The following KIAA1549L variants were observed in gnomAD, a reference collection of about 807,000 sequenced individuals.
KIAA1549L encodes UPF0606 protein KIAA1549L.
A neutral mutation model predicts 160.7 loss-of-function variants in KIAA1549L; 88 were observed. The observed-to-expected ratio is 0.55, with a 90% CI of 0.46 to 0.65. KIAA1549L has a LOEUF of 0.65. Ranked by LOEUF, KIAA1549L falls within the 30% of genes least tolerant of loss-of-function variation. The probability of loss-of-function intolerance (pLI) is 0.00; values close to 1 mark genes in which losing one functional copy is unlikely to be tolerated. For missense variants in KIAA1549L, 2,258 were observed against 2,437.5 expected, an observed-to-expected ratio of 0.93 and a Z score of 1.55; for synonymous variants, 950 against 976.7, an observed-to-expected ratio of 0.97 and a Z score of 0.51.
At chr11:33,447,994 G>T (rs996803092) in intron 1 of KIAA1549L, among the ~76,000 whole-genome samples, 1 of 152,332 alleles carries the variant, frequency 6.6e-6, no homozygotes, top group South Asian at 2.1e-4. Context: ...GCCATGTAGT[G>T]TGGGAAACCA....
intron 11 of KIAA1549L, among the ~76,000 whole-genome samples, chr11:33,585,221 C>T (rs1855772415): frequency 6.6e-6 from 1 of 152,106 alleles, no homozygotes; most frequent in African/African-American, 2.4e-5. Flanking sequence ...GAAACTCTTC[C>T]AAGAGTGTGC....
intron 8 of KIAA1549L, among the ~76,000 whole-genome samples, chr11:33,564,310 C>T (rs1000638773): frequency 6.6e-6 from 1 of 152,210 alleles, no homozygotes; most frequent in African/African-American, 2.4e-5. Flanking sequence ...GGCTTTCTGT[C>T]TTCTGCTCAT....
intron 1 of KIAA1549L, among the ~76,000 whole-genome samples, chr11:33,423,183 CTTG>C (rs1339098264): frequency 6.6e-6 from 1 of 152,094 alleles, no homozygotes; most frequent in Non-Finnish European, 1.5e-5. Context: ...CTCATACTAA[CTTG>C]TTGTAACATG....
rs552554379 is a variant in KIAA1549L, at chr11:33,445,006, G to A, written c.238+68117G>A. Among the ~76,000 whole-genome samples, 21 of 152,312 alleles carry A rather than the reference G, an allele frequency of 1.4e-4. No individual in the cohort carries two copies. The South Asian group carries it at 3.9e-3, about 29-fold the overall frequency. ...TCTACAGTAAATGGAGGAAGAATGAGTCACTCTTGAGCCTGCCAGGAGTGA... is the reference window on the plus strand; with the variant it reads ...TCTACAGTAAATGGAGGAAGAATGAATCACTCTTGAGCCTGCCAGGAGTGA... On this transcript the variant is annotated intron_variant, in intron 1 of 20. Coordinates refer to ENST00000658780, the MANE Select transcript of KIAA1549L (RefSeq NM_012194.3).
intron 1 of KIAA1549L, among the ~76,000 whole-genome samples, chr11:33,538,508 A>G (rs1023624842): frequency 6.6e-6 from 1 of 152,200 alleles, no homozygotes; most frequent in East Asian, 1.9e-4. Context: ...ACACTCAGAA[A>G]TCATCCCAGC....
intron 13 of KIAA1549L, among the ~76,000 whole-genome samples, chr11:33,603,464 A>G (rs550216640): frequency 1.8e-3 from 278 of 152,262 alleles, no homozygotes; most frequent in Non-Finnish European, 2.7e-3. Context: ...AGCAGAGGGA[A>G]TAGCTAGTGC....
At chr11:33,570,434 C>T (rs1370493399) in intron 9 of KIAA1549L, among the ~76,000 whole-genome samples, 1 of 128,336 alleles carries the variant, frequency 7.8e-6, no homozygotes, top group Admixed American at 7.6e-5. Context: ...GTAACATACC[C>T]TTAAGGAAAT....
chr11:33,438,071 T>C (rs1468840849), intron 1 of KIAA1549L, among the ~76,000 whole-genome samples: 1 of 152,204 alleles, frequency 6.6e-6, no homozygotes, highest in East Asian at 1.9e-4. Flanking sequence ...AATGAGCAAT[T>C]GTTTTTTCCT....
At chr11:33,395,923 T>G (rs1257927933) in intron 1 of KIAA1549L, among the ~76,000 whole-genome samples, 2 of 152,142 alleles carry the variant, frequency 1.3e-5, no homozygotes, top group Non-Finnish European at 2.9e-5. Context: ...GAGGTCCTGA[T>G]GGTGGTACAT....
At chr11:33,500,362 T>C (rs1001545216) in intron 1 of KIAA1549L, among the ~76,000 whole-genome samples, 1 of 152,216 alleles carries the variant, frequency 6.6e-6, no homozygotes, top group African/African-American at 2.4e-5. Flanking sequence ...AAAAAGTGCC[T>C]GGCACATACG....
At chr11:33,667,570 A>T (rs1453347682) in intron 20 of KIAA1549L, among the ~76,000 whole-genome samples, 2 of 151,670 alleles carry the variant, frequency 1.3e-5, no homozygotes, top group African/African-American at 4.8e-5. Context: ...TTTTTTTTGT[A>T]TTTTTAGTAG....
At chr11:33,470,727 A>G (rs1004179659) in intron 1 of KIAA1549L, among the ~76,000 whole-genome samples, 8 of 152,222 alleles carry the variant, frequency 5.3e-5, no homozygotes, top group African/African-American at 1.7e-4. Context: ...TACTGGGATT[A>G]TAGGAATGAG....
rs1160457193 is a variant in KIAA1549L at position 33,543,328 on chromosome 11, GT to G, written c.1769del (p.Leu590Ter). ...TCTCCAGGCCTTTCCAAGGAAAGAG[GT>G]TTTGAGTCTTCACACTGTAAATGGA... ...IPLQAFPRKEVLSLHTVNGFV... is the reference protein window; with the variant it reads ...IPLQAFPRKEXLSLHTVNGFV... On this transcript the variant is annotated frameshift_variant, in exon 2 of 21. Transcript: ENST00000658780. LOFTEE classifies it high-confidence loss of function. 1 of 1,614,050 alleles carries G rather than the reference GT, an allele frequency of 6.2e-7. No individual in the cohort carries two copies. The highest frequency in any genetic ancestry group is 8.5e-7 in the Non-Finnish European group (1 of 1,179,900).
At chr11:33,537,182 C>T (rs1322761133) in intron 1 of KIAA1549L, among the ~76,000 whole-genome samples, 1 of 152,214 alleles carries the variant, frequency 6.6e-6, no homozygotes, top group African/African-American at 2.4e-5. Context: ...TTTCCCTACC[C>T]TCTTTGCTTG....
intron 16 of KIAA1549L, among the ~76,000 whole-genome samples, chr11:33,624,979 A>G (rs1451017860): frequency 6.3e-5 from 9 of 143,648 alleles, no homozygotes; most frequent in Non-Finnish European, 1.0e-4. Flanking sequence ...TCATTGTTCA[A>G]TTCCCACCTA....
chr11:33,558,904 G>A (rs1854744068), intron 6 of KIAA1549L, among the ~76,000 whole-genome samples: 1 of 151,478 alleles, frequency 6.6e-6, no homozygotes, highest in African/African-American at 2.4e-5. Context: ...TGCAATCTCG[G>A]CTGACTGCAG....
In KIAA1549L at chr11:33,438,621, G is replaced by A. The variant is rs1354722244; in HGVS notation, c.238+61732G>A. Among the ~76,000 whole-genome samples, 5 of 152,250 alleles carry A rather than the reference G, an allele frequency of 3.3e-5. No homozygotes were observed. In the East Asian group the frequency reaches 9.6e-4, roughly 29 times the overall value. ...GTGGGCCTTCCATGCCAACGAAGAG[G>A]CAGTTCATTAAAGAGGAACCTGTGA... On this transcript the variant is annotated intron_variant, in intron 1 of 20. Coordinates refer to ENST00000658780, the MANE Select transcript of KIAA1549L (RefSeq NM_012194.3).
Position 33,543,193 on chromosome 11 carries a change from T to A in KIAA1549L, c.1630T>A (p.Ser544Thr). The change falls in exon 2 of 21, where the codon TCA (serine) becomes ACA (threonine). Residue 544 changes from serine to threonine, a missense_variant. By Grantham distance (58) the Ser-to-Thr change is moderately conservative (BLOSUM62 1). Coordinates refer to ENST00000658780, the MANE Select transcript of KIAA1549L (RefSeq NM_012194.3). ...TCCTGCAACTAGAGACTTGCTCCTC[T>A]CAAGCAAAGTTCCTAATCTTCTTTC... ...SPPATRDLLL[S>T]SKVPNLLSTS... The A allele has an allele frequency of 1.2e-6, 2 of 1,613,988 alleles. No homozygotes were observed. Among genetic ancestry groups the A allele is most frequent in the Non-Finnish European group, 1.7e-6 (2 of 1,179,894 alleles).
In KIAA1549L at chr11:33,599,180, G is replaced by A. The variant is rs147717082; in HGVS notation, c.4879+233G>A. On this transcript the variant is annotated intron_variant, in intron 13 of 20. Coordinates refer to ENST00000658780, the MANE Select transcript of KIAA1549L (RefSeq NM_012194.3). ...TCCTCCGCCCCTGTTCTTATGAAAT[G>A]GTGTAGTTCCTTAGGAAAAACCTTT... 1.2e-3 allele frequency: 378 copies of A among 321,178 alleles called. 2 individuals carry two copies. In the East Asian group the frequency reaches 0.019, roughly 16 times the overall value. 19.9% of individuals were successfully genotyped at this position (321,178 alleles called of 1,614,324 possible). A position where few individuals can be genotyped will look rare whatever the true frequency, so the allele number is the denominator to read the frequency against.
Sources: gnomAD v4.1 joint callset for allele counts (sites outside exome capture counted in the v4.1 genomes callset) on GRCh38, gnomAD v4.1.1 for gene constraint, MANE v1.5 for transcripts, NCBI Gene and HGNC (gene_info 2026-07-23, HGNC 2026-07-21) for gene names.